The following CADM2 variants were observed in gnomAD, a reference collection of about 807,000 sequenced individuals.
CADM2 encodes the protein cell adhesion molecule 2.
In CADM2, 12 loss-of-function variants were observed where a neutral mutation model predicts 49.8. That is an observed-to-expected ratio of 0.24 (90% confidence interval 0.15 to 0.39). The LOEUF (loss-of-function observed/expected upper bound fraction) is 0.39, where lower values mean the gene tolerates loss of function less well. CADM2 is among the 10% of genes least tolerant of loss of function. The pLI, the probability that CADM2 is intolerant of heterozygous loss-of-function variation, is 1.00. For missense variants in CADM2, 378 were observed against 492.3 expected (o/e 0.77, Z 2.20); for synonymous variants, 214 against 175.4 (o/e 1.22, Z -1.74).
At chr3:86,049,994 T>C (rs1354505482) in intron 8 of CADM2, among the ~76,000 whole-genome samples, 1 of 152,060 alleles carries the variant, frequency 6.6e-6, no homozygotes, top group Non-Finnish European at 1.5e-5. Flanking sequence ...TTTCCAGAAG[T>C]CCCCCAAACT....
chr3:85,423,067 G>A (rs2036247606), intron 1 of CADM2, among the ~76,000 whole-genome samples: 1 of 152,110 alleles, frequency 6.6e-6, no homozygotes, highest in Non-Finnish European at 1.5e-5. Flanking sequence ...GCTTTCAGCA[G>A]GATGGGGAAT....
intron 1 of CADM2, among the ~76,000 whole-genome samples, chr3:85,151,081 C>T (rs1225614343): frequency 6.6e-6 from 1 of 151,940 alleles, no homozygotes; most frequent in Non-Finnish European, 1.5e-5. Flanking sequence ...TAGATGGGGA[C>T]ACAGGGATGT....
intron 1 of CADM2, among the ~76,000 whole-genome samples, chr3:85,369,340 G>C (rs924258437): frequency 1.3e-5 from 2 of 152,192 alleles, no homozygotes; most frequent in Non-Finnish European, 2.9e-5. Context: ...GGTCCCAGAA[G>C]ATTATAATGA....
At chr3:85,359,666 A>ATATATATATATATATATATATATTTTTTT in intron 1 of CADM2, among the ~76,000 whole-genome samples, 22 of 26,542 alleles carry the variant, frequency 8.3e-4, no homozygotes, top group Non-Finnish European at 1.4e-3. Context: ...ATATATATAT[A>ATATATATATATATATATATATATTTTTTT]TTTTTTTTTT....
chr3:85,454,070 A>C (rs1422190462), intron 1 of CADM2, among the ~76,000 whole-genome samples: 1 of 152,150 alleles, frequency 6.6e-6, no homozygotes, highest in East Asian at 1.9e-4. Flanking sequence ...AAAAAATACA[A>C]GCGGCTGGGC....
intron 1 of CADM2, among the ~76,000 whole-genome samples, chr3:84,974,870 T>A (rs13075873): frequency 0.34 from 51,492 of 151,668 alleles, 9,037 homozygotes; most frequent in Middle Eastern, 0.38. Context: ...GTTGGCTTTT[T>A]ATTTACCAAA....
chr3:85,496,760 C>T (rs10433526), intron 1 of CADM2, among the ~76,000 whole-genome samples: 30,236 of 152,106 alleles, frequency 0.2, 3,811 homozygotes, highest in East Asian at 0.3. Context: ...TGTTATCTCA[C>T]TGTGGTTTTG....
chr3:85,746,563 A>T (rs1040481819), intron 2 of CADM2, among the ~76,000 whole-genome samples: 6 of 151,628 alleles, frequency 4.0e-5, no homozygotes, highest in Admixed American at 2.0e-4. Flanking sequence ...TTTCTCTTTC[A>T]TTGTCAGTAT....
intron 8 of CADM2, among the ~76,000 whole-genome samples, chr3:86,045,645 T>G (rs1186085703): frequency 6.6e-6 from 1 of 152,180 alleles, no homozygotes. Context: ...TTAGACTTTC[T>G]TTTTTGATAT....
intron 1 of CADM2, among the ~76,000 whole-genome samples, chr3:85,037,751 T>C (rs2035278690): frequency 6.6e-6 from 1 of 152,196 alleles, no homozygotes. Context: ...TACTTAACAA[T>C]TTAAAACACA....
At chr3:85,275,359 A>G (rs1322721740) in intron 1 of CADM2, among the ~76,000 whole-genome samples, 1 of 151,450 alleles carries the variant, frequency 6.6e-6, no homozygotes, top group Non-Finnish European at 1.5e-5. Flanking sequence ...GTTTAGTACT[A>G]AATGTTTATG....
intron 1 of CADM2, among the ~76,000 whole-genome samples, chr3:85,343,318 C>T (rs776623670): frequency 2.6e-4 from 39 of 152,088 alleles, no homozygotes; most frequent in Non-Finnish European, 5.1e-4. Flanking sequence ...TACTGAGCCA[C>T]GGGGATGTTA....
intron 8 of CADM2, chr3:85,979,362 A>T: frequency 6.8e-7 from 1 of 1,470,106 alleles, no homozygotes; most frequent in South Asian, 1.4e-5. Context: ...GGTTAAAAAC[A>T]TTGAGATTCA....
intron 1 of CADM2, among the ~76,000 whole-genome samples, chr3:85,466,145 T>A (rs1333072086): frequency 6.6e-6 from 1 of 152,178 alleles, no homozygotes; most frequent in Non-Finnish European, 1.5e-5. Flanking sequence ...GTCAATTTCA[T>A]TGTGACAGTA....
chr3:85,149,220 AT>A (rs962363149), intron 1 of CADM2, among the ~76,000 whole-genome samples: 2 of 152,020 alleles, frequency 1.3e-5, no homozygotes, highest in African/African-American at 4.8e-5. Flanking sequence ...TTTAATTGCC[AT>A]TGTGCCAGTA....
chr3:85,948,578 C>A lies in CADM2; in HGVS notation c.791+12721C>A, dbSNP rs1287045907. Among the ~76,000 whole-genome samples the A allele has an allele frequency of 2.6e-5, 4 of 151,090 alleles. No individual in the cohort carries two copies. The Admixed American group carries it at 2.7e-4, about 10-fold the overall frequency. On this transcript the variant is annotated intron_variant, in intron 7 of 9. Coordinates refer to ENST00000383699, the MANE Select transcript of CADM2 (RefSeq NM_001167675.2). Reference sequence around the variant, plus strand: ...AATTCTTATTCCTTAGCCACTTACTCAAAAAAATACATCCTAAAAGAAATT... The same window carrying A: ...AATTCTTATTCCTTAGCCACTTACTAAAAAAAATACATCCTAAAAGAAATT...
chr3:85,553,137 CAGTA>C (rs1372889403), intron 1 of CADM2, among the ~76,000 whole-genome samples: 1 of 152,016 alleles, frequency 6.6e-6, no homozygotes, highest in Non-Finnish European at 1.5e-5. Context: ...GTCTCTAAGT[CAGTA>C]AATAACCGAC....
chr3:84,986,995 T>A (rs1320609539), intron 1 of CADM2, among the ~76,000 whole-genome samples: 2 of 151,656 alleles, frequency 1.3e-5, no homozygotes, highest in East Asian at 4.0e-4. Flanking sequence ...GAGGGTGCGG[T>A]GAGCCGAGAT....
At chr3:85,907,742 CT>C (rs1400825424) in intron 5 of CADM2, among the ~76,000 whole-genome samples, 1 of 152,018 alleles carries the variant, frequency 6.6e-6, no homozygotes, top group African/African-American at 2.4e-5. Flanking sequence ...GAAACTCCGT[CT>C]CTACAAAAAA....
Sources: allele counts gnomAD v4.1 joint callset (sites outside exome capture counted in the v4.1 genomes callset), GRCh38; gene constraint gnomAD v4.1.1; transcripts MANE v1.5; gene names NCBI Gene and HGNC (gene_info 2026-07-23, HGNC 2026-07-21).